Variants in AGAP1 observed in about 807,000 individuals in gnomAD.
The protein encoded by AGAP1 is arf-GAP with GTPase, ANK repeat and PH domain-containing protein 1.
In AGAP1, 29 loss-of-function variants were observed where a neutral mutation model predicts 105.3. That is an observed-to-expected ratio of 0.28 (90% CI 0.21 to 0.38). The LOEUF is 0.38. AGAP1 is among the 10% of genes least tolerant of loss of function. The probability of loss-of-function intolerance (pLI) is 1.00; values close to 1 mark genes in which losing one functional copy is unlikely to be tolerated. For missense variants in AGAP1, 998 were observed against 1,165.1 expected (o/e 0.86, Z 2.09); for synonymous variants, 509 against 485.9 (o/e 1.05, Z -0.63).
At chr2:235,850,528 G>A (rs12692181) in intron 9 of AGAP1, among the ~76,000 whole-genome samples, 70,186 of 152,082 alleles carry the variant, frequency 0.46, 18,894 homozygotes, top group East Asian at 0.79. Flanking sequence ...TGGAGAAGTC[G>A]CTCTGAGCAG....
At position 235,888,275 on chromosome 2, in the gene AGAP1, G is replaced by A. The variant is rs1055308084; in HGVS notation, c.1155+4826G>A. 2.0e-5 allele frequency among the ~76,000 whole-genome samples: 3 copies of A among 152,090 alleles called. No homozygotes were observed. Among genetic ancestry groups the A allele is most frequent in the Admixed American group, 6.5e-5 (1 of 15,272 alleles). ...AGGATCAAACCGAGAAGGTGGAATC[G>A]AGGGTCTTTACCACCCTTGTCTTTC... On this transcript the variant is annotated intron_variant, in intron 10 of 17. Coordinates refer to ENST00000304032, the MANE Select transcript of AGAP1 (RefSeq NM_001037131.3). This position sits in a 1 kb window ranked among gnomAD's most constrained non-coding sequence, Gnocchi z 4.8.
At position 236,009,592 on chromosome 2, in the gene AGAP1, T is replaced by C. The variant is rs991805879; in HGVS notation, c.1646-26969T>C. Among the ~76,000 whole-genome samples, 1 of 152,228 alleles carries C rather than the reference T, an allele frequency of 6.6e-6. No homozygotes were observed. The highest frequency in any genetic ancestry group is 1.5e-5 in the Non-Finnish European group (1 of 68,040). The stretch of plus-strand genomic sequence containing the variant: ...CTTAGAGGTACAAATTTACGCTCCC[T>C]TCTATGAATAGAGAGGGCTATTTGT... On this transcript the variant is annotated intron_variant, in intron 13 of 17. Coordinates refer to ENST00000304032, the MANE Select transcript of AGAP1 (RefSeq NM_001037131.3). This position sits in a 1 kb window ranked among gnomAD's most constrained non-coding sequence, Gnocchi z 4.2.
At position 235,660,890 on chromosome 2, in the gene AGAP1, A is replaced by G. The variant is rs1342498252; in HGVS notation, c.164-48289A>G. Among the ~76,000 whole-genome samples the G allele has an allele frequency of 6.6e-6, 1 of 152,172 alleles. No homozygotes were observed. Among genetic ancestry groups the G allele is most frequent in the Non-Finnish European group, 1.5e-5 (1 of 68,038 alleles). On this transcript the variant is annotated intron_variant, in intron 1 of 17. Coordinates refer to ENST00000304032, the MANE Select transcript of AGAP1 (RefSeq NM_001037131.3). This position sits in a 1 kb window ranked among gnomAD's most constrained non-coding sequence, Gnocchi z 5.3. Reference sequence around the variant, plus strand: ...CTCAAGGTCACTTTCCCAAGGTCACATGTGGTTTGCATCATTCTGGCCTTG... The same window carrying G: ...CTCAAGGTCACTTTCCCAAGGTCACGTGTGGTTTGCATCATTCTGGCCTTG...
At chr2:235,637,758 T>C (rs182219501) in intron 1 of AGAP1, among the ~76,000 whole-genome samples, 81 of 152,180 alleles carry the variant, frequency 5.3e-4, no homozygotes, top group African/African-American at 1.9e-3. Flanking sequence ...GTTAGGGGAA[T>C]TGGTTCGTGA....
intron 9 of AGAP1, among the ~76,000 whole-genome samples, chr2:235,812,993 G>A (rs980064688): frequency 8.5e-5 from 13 of 152,140 alleles, no homozygotes; most frequent in African/African-American, 2.4e-4. Context: ...TATTCAGCCC[G>A]GTTCACAACA....
In AGAP1 at chr2:236,096,368, G is replaced by A. The variant is rs1189984922; in HGVS notation, c.2115-23824G>A. 6.6e-6 allele frequency among the ~76,000 whole-genome samples: 1 copy of A among 151,874 alleles called. No homozygotes were observed. The highest frequency in any genetic ancestry group is 2.4e-5 in the African/African-American group (1 of 41,388). ...ATACAAAAATTAGCTGGGCATGGTG[G>A]TGTGCACCCATAATCCCAACTACTT... On this transcript the variant is annotated intron_variant, in intron 16 of 17. Transcript: ENST00000304032. The surrounding 1 kb of genome is among the most constrained non-coding windows in gnomAD (Gnocchi z 4.4).
rs1274551404 is a variant in AGAP1 at position 235,625,155 on chromosome 2, G to A, written c.164-84024G>A. ...AGGAAGGCTCTCGGAATCATTCCAG[G>A]TGCCTGCTCTAGACTCTTGGTGTTG... On this transcript the variant is annotated intron_variant, in intron 1 of 17. Transcript: ENST00000304032. This position sits in a 1 kb window ranked among gnomAD's most constrained non-coding sequence, Gnocchi z 4.0. 6.6e-6 allele frequency among the ~76,000 whole-genome samples: 1 copy of A among 152,150 alleles called. No individual in the cohort carries two copies. Among genetic ancestry groups the A allele is most frequent in the East Asian group, 1.9e-4 (1 of 5,188 alleles).
chr2:235,933,135 G>GT (rs1252467787), intron 12 of AGAP1, among the ~76,000 whole-genome samples: 2 of 152,162 alleles, frequency 1.3e-5, no homozygotes, highest in Admixed American at 1.3e-4. Flanking sequence ...TGTGCAGGTC[G>GT]TTTAAGGATT....
intron 1 of AGAP1, among the ~76,000 whole-genome samples, chr2:235,637,402 G>A (rs1947040271): frequency 6.6e-6 from 1 of 151,940 alleles, no homozygotes; most frequent in Admixed American, 6.6e-5. Flanking sequence ...CCCCGCAAGT[G>A]ACTAGGACCA....
Position 236,073,902 on chromosome 2 carries a change from TC to T in AGAP1, c.2114+24627del, listed in dbSNP as rs2058569535. 2.6e-5 allele frequency among the ~76,000 whole-genome samples: 4 copies of T among 151,022 alleles called. No homozygotes were observed. The highest frequency in any genetic ancestry group is 9.7e-5 in the African/African-American group (4 of 41,234). On this transcript the variant is annotated intron_variant, in intron 16 of 17. Transcript: ENST00000304032. This position sits in a 1 kb window ranked among gnomAD's most constrained non-coding sequence, Gnocchi z 5.4. ...ATGCTGGTTGGCCTGGGCATGCCCC[TC>T]CCCCCAAGCATTTCCGCTGCACATC...
At chr2:235,786,606 A>G (rs76498506) in intron 6 of AGAP1, among the ~76,000 whole-genome samples, 3,148 of 152,228 alleles carry the variant, frequency 0.021, 100 homozygotes, top group African/African-American at 0.072. Flanking sequence ...ATTTTTATCG[A>G]GATTGTTGTA....
chr2:235,683,293 G>T (rs1949189551), intron 1 of AGAP1, among the ~76,000 whole-genome samples: 1 of 152,086 alleles, frequency 6.6e-6, no homozygotes, highest in Admixed American at 6.5e-5. Context: ...GCAACAGAGT[G>T]AGACTCCATC....
At position 236,058,538 on chromosome 2, in the gene AGAP1, A is replaced by G. The variant is rs531219467; in HGVS notation, c.2114+9257A>G. 1.9e-4 allele frequency among the ~76,000 whole-genome samples: 29 copies of G among 152,364 alleles called. No homozygotes were observed. In the South Asian group the frequency reaches 6.0e-3, roughly 32 times the overall value. On this transcript the variant is annotated intron_variant, in intron 16 of 17. Coordinates refer to ENST00000304032, the MANE Select transcript of AGAP1 (RefSeq NM_001037131.3). The surrounding 1 kb of genome is among the most constrained non-coding windows in gnomAD (Gnocchi z 4.6). ...CAAAACCACGTGCCCTTTCATGGTA[A>G]CAAACACTCAGCAAACTAGAAATAA...
intron 1 of AGAP1, among the ~76,000 whole-genome samples, chr2:235,520,128 G>A (rs576492872): frequency 6.6e-5 from 10 of 152,264 alleles, no homozygotes; most frequent in Middle Eastern, 6.8e-3. Flanking sequence ...CATTTCATCC[G>A]TAAATACTTC....
rs575768515 is a variant in AGAP1 at position 236,082,030 on chromosome 2, T to A, written c.2114+32749T>A. Among the ~76,000 whole-genome samples, 6 of 152,298 alleles carry A rather than the reference T, an allele frequency of 3.9e-5. No homozygotes were observed. The South Asian group carries it at 1.2e-3, about 32-fold the overall frequency. ...CGCCTAGTCACTAATCCAAAAGGAA[T>A]GTGAAAAAAGAGTTGTTTTAATGTT... On this transcript the variant is annotated intron_variant, in intron 16 of 17. Coordinates refer to ENST00000304032, the MANE Select transcript of AGAP1 (RefSeq NM_001037131.3). This position sits in a 1 kb window ranked among gnomAD's most constrained non-coding sequence, Gnocchi z 4.2.
At chr2:236,110,325 T>C (rs542911936) in intron 16 of AGAP1, among the ~76,000 whole-genome samples, 3 of 151,408 alleles carry the variant, frequency 2.0e-5, no homozygotes, top group Admixed American at 2.0e-4. Context: ...GTGAACCCAC[T>C]GCACTCCAAC....
rs1357364680 is a variant in AGAP1, at chr2:236,114,076, C to T, written c.2115-6116C>T. On this transcript the variant is annotated intron_variant, in intron 16 of 17. Coordinates refer to ENST00000304032, the MANE Select transcript of AGAP1 (RefSeq NM_001037131.3). This position sits in a 1 kb window ranked among gnomAD's most constrained non-coding sequence, Gnocchi z 5.0. ...ACCACATCAAATGAGGAACTGGGCC[C>T]CCTCCTTTCTGCTGACGGCCGGCCG... Among the ~76,000 whole-genome samples, 1 of 152,054 alleles carries T rather than the reference C, an allele frequency of 6.6e-6. No individual in the cohort carries two copies. Among genetic ancestry groups the T allele is most frequent in the African/African-American group, 2.4e-5 (1 of 41,406 alleles).
chr2:235,524,497 G>A lies in AGAP1; in HGVS notation c.163+29648G>A, dbSNP rs930965988. On this transcript the variant is annotated intron_variant, in intron 1 of 17. Coordinates refer to ENST00000304032, the MANE Select transcript of AGAP1 (RefSeq NM_001037131.3). The stretch of plus-strand genomic sequence containing the variant: ...ATGCGATGGGCAGTTGCTTGTCCTT[G>A]CTGTGAGAAGACAGGCCACGGGGCT... 1.4e-4 allele frequency: 49 copies of A among 344,726 alleles called. No homozygotes were observed. In the Admixed American group the frequency reaches 1.8e-3, roughly 12 times the overall value. 21.4% of individuals were successfully genotyped at this position (344,726 alleles called of 1,614,324 possible).
At chr2:236,085,140 C>T (rs1054753119) in intron 16 of AGAP1, among the ~76,000 whole-genome samples, 9 of 141,318 alleles carry the variant, frequency 6.4e-5, no homozygotes, top group African/African-American at 1.1e-4. Context: ...CACGTGAACC[C>T]GGGAGGCGGA....
Sources: allele counts gnomAD v4.1 joint callset (sites outside exome capture counted in the v4.1 genomes callset), GRCh38; gene constraint gnomAD v4.1.1; non-coding constraint Gnocchi (gnomAD v3.1); transcripts MANE v1.5; gene names NCBI Gene and HGNC (gene_info 2026-07-23, HGNC 2026-07-21).